NRXN1: variants seen among roughly 807,000 people sequenced by gnomAD.
NRXN1 encodes the protein neurexin 1.
In NRXN1, 39 loss-of-function variants were observed where a neutral mutation model predicts 150.9. The ratio of observed to expected loss-of-function variants is 0.26; its 90% CI spans 0.20 to 0.34. The LOEUF is 0.34. Among genes scored for constraint, NRXN1 ranks in the 10% least tolerant of loss-of-function variants. The pLI, the probability that NRXN1 is intolerant of heterozygous loss-of-function variation, is 1.00. For synonymous variants in NRXN1, 924 were observed against 757.0 expected, an observed-to-expected ratio of 1.22 and a Z score of -3.62; for missense variants, 1,815 against 1,949.9, an observed-to-expected ratio of 0.93 and a Z score of 1.30.
At chr2:50,786,340 T>A (rs893633699) in intron 5 of NRXN1, among the ~76,000 whole-genome samples, 1 of 152,042 alleles carries the variant, frequency 6.6e-6, no homozygotes. Context: ...TATAGCAAAT[T>A]GGCTTAGTTT....
chr2:50,556,436 C>G (rs1341067111), intron 8 of NRXN1, among the ~76,000 whole-genome samples: 1 of 151,394 alleles, frequency 6.6e-6, no homozygotes, highest in East Asian at 1.9e-4. Context: ...ATCATCATAA[C>G]AATTGATGAT....
At chr2:50,921,965 G>A (rs1057246506) in intron 4 of NRXN1, 85 bp from the exon 5 acceptor site, 31 of 702,064 alleles carry the variant, frequency 4.4e-5, no homozygotes, top group Non-Finnish European at 6.2e-5. Context: ...TAAGTATTAT[G>A]AACATATGTA....
chr2:50,798,181 A>T (rs1330039162), intron 5 of NRXN1, among the ~76,000 whole-genome samples: 1 of 152,178 alleles, frequency 6.6e-6, no homozygotes, highest in Non-Finnish European at 1.5e-5. Flanking sequence ...ATAATCACTT[A>T]GGAAACTCCA....
At chr2:50,829,013 G>A (rs1421360301) in intron 5 of NRXN1, among the ~76,000 whole-genome samples, 8 of 152,346 alleles carry the variant, frequency 5.3e-5, no homozygotes, top group African/African-American at 1.9e-4. Flanking sequence ...GATCACTCGC[G>A]GTTAGGAGCT....
At chr2:50,626,040 C>T (rs959917024) in intron 5 of NRXN1, among the ~76,000 whole-genome samples, 1 of 151,618 alleles carries the variant, frequency 6.6e-6, no homozygotes, top group African/African-American at 2.4e-5. Context: ...TGCAGGAAGA[C>T]AAGAAAAGTA....
chr2:50,882,971 T>C (rs1679674592), intron 5 of NRXN1, among the ~76,000 whole-genome samples: 1 of 151,824 alleles, frequency 6.6e-6, no homozygotes, highest in South Asian at 2.1e-4. Context: ...CTGACATACA[T>C]ATTTGGTAAC....
chr2:50,645,930 T>G (rs1019085538), intron 5 of NRXN1, among the ~76,000 whole-genome samples: 1 of 151,882 alleles, frequency 6.6e-6, no homozygotes, highest in Non-Finnish European at 1.5e-5. Flanking sequence ...TCGTTTAAAG[T>G]GCTGCTACCT....
chr2:50,562,507 A>T (rs1035295344), intron 8 of NRXN1, among the ~76,000 whole-genome samples: 4 of 152,018 alleles, frequency 2.6e-5, no homozygotes, highest in African/African-American at 9.7e-5. Flanking sequence ...AAATTTCTCC[A>T]AGAGAGATGG....
At chr2:50,727,786 T>C (rs1259110310) in intron 5 of NRXN1, among the ~76,000 whole-genome samples, 1 of 152,098 alleles carries the variant, frequency 6.6e-6, no homozygotes, top group Non-Finnish European at 1.5e-5. Context: ...AAAGCTAGCA[T>C]TGCATGAATC....
chr2:50,798,070 G>A (rs1321174753), intron 5 of NRXN1, among the ~76,000 whole-genome samples: 1 of 152,126 alleles, frequency 6.6e-6, no homozygotes, highest in Non-Finnish European at 1.5e-5. Flanking sequence ...TATTTACCAG[G>A]AGAAGGAAAG....
intron 5 of NRXN1, among the ~76,000 whole-genome samples, chr2:50,677,022 A>G (rs1211866687): frequency 6.6e-6 from 1 of 152,152 alleles, no homozygotes; most frequent in African/African-American, 2.4e-5. Flanking sequence ...CAGAGGGTAG[A>G]TCTACCATTG....
chr2:50,201,761 G>A (rs2062181797), intron 18 of NRXN1, among the ~76,000 whole-genome samples: 1 of 152,138 alleles, frequency 6.6e-6, no homozygotes, highest in Admixed American at 6.5e-5. Flanking sequence ...CAAGCTCATG[G>A]TCTCATGTGA....
chr2:50,719,447 C>T (rs761103103), intron 5 of NRXN1, among the ~76,000 whole-genome samples: 2 of 151,892 alleles, frequency 1.3e-5, no homozygotes, highest in Non-Finnish European at 2.9e-5. Flanking sequence ...GAGGCCGAGG[C>T]AAGTGGATCA....
intron 18 of NRXN1, among the ~76,000 whole-genome samples, chr2:50,146,054 G>A (rs1231514843): frequency 6.6e-6 from 1 of 151,628 alleles, no homozygotes; most frequent in Non-Finnish European, 1.5e-5. Flanking sequence ...GACACTATCG[G>A]CTAAATTGAC....
chr2:50,386,080 T>C (rs974193254), intron 17 of NRXN1, among the ~76,000 whole-genome samples: 13 of 151,978 alleles, frequency 8.6e-5, no homozygotes, highest in Non-Finnish European at 1.5e-4. Flanking sequence ...ACATAAAGTT[T>C]TTCTATACTT....
chr2:50,090,919 T>A (rs976422017), intron 19 of NRXN1, among the ~76,000 whole-genome samples: 1 of 152,168 alleles, frequency 6.6e-6, no homozygotes, highest in African/African-American at 2.4e-5. Flanking sequence ...AAGCGTTAGG[T>A]CTTATTTTCT....
At chr2:50,107,539 A>ATATATT (rs59921941) in intron 18 of NRXN1, among the ~76,000 whole-genome samples, 2,442 of 129,752 alleles carry the variant, frequency 0.019, 26 homozygotes, top group South Asian at 0.028. Flanking sequence ...ATATATATAT[A>ATATATT]TTTTTTTTTT....
chr2:50,915,372 A>T (rs1489818008), intron 5 of NRXN1, among the ~76,000 whole-genome samples: 1 of 151,604 alleles, frequency 6.6e-6, no homozygotes, highest in East Asian at 1.9e-4. Flanking sequence ...CCATGAAAAA[A>T]TGTCTATCTC....
intron 5 of NRXN1, among the ~76,000 whole-genome samples, chr2:50,774,369 T>C (rs1282206702): frequency 6.6e-6 from 1 of 152,152 alleles, no homozygotes; most frequent in Non-Finnish European, 1.5e-5. Flanking sequence ...TGAGGGCATT[T>C]AGTACATTTG....
Sources: allele counts gnomAD v4.1 joint callset (sites outside exome capture counted in the v4.1 genomes callset), GRCh38; gene constraint gnomAD v4.1.1; transcripts MANE v1.5; gene names NCBI Gene and HGNC (gene_info 2026-07-23, HGNC 2026-07-21).